AMPH: variants seen among roughly 807,000 people sequenced by gnomAD.
AMPH encodes amphiphysin (Stiff-Mann syndrome with breast cancer 128kD autoantigen).
A neutral mutation model predicts 99.1 loss-of-function variants in AMPH; 49 were observed. That is an observed-to-expected ratio of 0.49 (90% CI 0.39 to 0.63). The LOEUF is 0.63. AMPH is among the 20% of genes least tolerant of loss of function. The pLI is 0.00. For synonymous variants in AMPH, 314 were observed against 317.3 expected, an observed-to-expected ratio of 0.99 and a Z score of 0.11; for missense variants, 759 against 863.4, an observed-to-expected ratio of 0.88 and a Z score of 1.52.
intron 1 of AMPH, among the ~76,000 whole-genome samples, chr7:38,570,204 A>T (rs1026692325): frequency 3.9e-5 from 6 of 152,190 alleles, no homozygotes; most frequent in Admixed American, 3.9e-4. Context: ...GAACAATTTT[A>T]AACTAAGTAA....
At chr7:38,435,324 A>G (rs1249501495) in intron 12 of AMPH, among the ~76,000 whole-genome samples, 1 of 152,184 alleles carries the variant, frequency 6.6e-6, no homozygotes, top group Non-Finnish European at 1.5e-5. Flanking sequence ...GTTCATATTG[A>G]GCCATTTATT....
intron 14 of AMPH, 123 bp downstream of exon 14, chr7:38,429,719 G>A: frequency 2.3e-6 from 3 of 1,320,842 alleles, no homozygotes; most frequent in Non-Finnish European, 2.1e-6. Flanking sequence ...ACATTCATTG[G>A]CTTAAGGTTT....
Position 38,417,869 on chromosome 7 carries a change from G to A in AMPH, c.1354C>T (p.Leu452Phe). ...TCCTCAGCCCGAGTGTCCATTCCAAGGTCCAGACCAACGGCAGGTGTGACA... is the reference window on the plus strand; with the variant it reads ...TCCTCAGCCCGAGTGTCCATTCCAAAGTCCAGACCAACGGCAGGTGTGACA... ...AAVTPAVGLDLGMDTRAEEPV... is the reference protein window; with the variant it reads ...AAVTPAVGLDFGMDTRAEEPV... Residue 452 changes from leucine to phenylalanine, a missense_variant, in exon 17 of 21, where the codon CTT becomes TTT. Around this residue, in one of 2 missense-constraint regions of AMPH, gnomAD observed 554 missense variants for 575.6 expected, o/e 0.96. Coordinates refer to ENST00000356264, the MANE Select transcript of AMPH (RefSeq NM_001635.4). 6.2e-7 allele frequency: 1 copy of A among 1,614,136 alleles called. No individual in the cohort carries two copies. The highest frequency in any genetic ancestry group is 8.5e-7 in the Non-Finnish European group (1 of 1,180,010).
intron 1 of AMPH, among the ~76,000 whole-genome samples, chr7:38,571,425 T>C (rs866909258): frequency 1.4e-4 from 6 of 43,620 alleles, no homozygotes; most frequent in South Asian, 4.7e-4. Context: ...TATTTATATA[T>C]AGAATATTTA....
intron 16 of AMPH, 163 bp from the exon 17 acceptor site, chr7:38,418,113 A>C: frequency 1.5e-6 from 1 of 652,898 alleles, no homozygotes; most frequent in Non-Finnish European, 2.4e-6. Context: ...ATAGGCTTTT[A>C]GAGAATGGAA....
chr7:38,531,908 A>G lies in AMPH; in HGVS notation c.150+3023T>C, dbSNP rs147904226. On this transcript the variant is annotated intron_variant, in intron 2 of 20. Coordinates refer to ENST00000356264, the MANE Select transcript of AMPH (RefSeq NM_001635.4). ...TTTAGATAATGCTTTGTCTCTTCAGAGTACTGATTCACCATCACATTAATA... is the reference window on the plus strand; with the variant it reads ...TTTAGATAATGCTTTGTCTCTTCAGGGTACTGATTCACCATCACATTAATA... Among the ~76,000 whole-genome samples the G allele has an allele frequency of 4.6e-3, 701 of 151,468 alleles. 8 individuals carry two copies. The highest frequency in any genetic ancestry group is 0.016 in the African/African-American group (676 of 41,506).
At chr7:38,530,647 GGCGAGTTTATTA>G in intron 2 of AMPH, among the ~76,000 whole-genome samples, 2 of 152,242 alleles carry the variant, frequency 1.3e-5, no homozygotes, top group Admixed American at 1.3e-4. Context: ...CATCTTACTG[GGCGAGTTTATTA>G]GCAGGAAGGA....
intron 1 of AMPH, among the ~76,000 whole-genome samples, chr7:38,574,460 A>G (rs919559543): frequency 1.3e-5 from 2 of 152,164 alleles, no homozygotes; most frequent in Non-Finnish European, 2.9e-5. Context: ...CAGCCAAACT[A>G]TTGCTCCCTC....
chr7:38,491,077 G>C lies in AMPH; in HGVS notation c.369C>G (p.Thr123=), dbSNP rs991698925. 1.9e-6 allele frequency: 3 copies of C among 1,612,624 alleles called. No homozygotes were observed. The highest frequency in any genetic ancestry group is 2.5e-6 in the Non-Finnish European group (3 of 1,178,888). ...LVDGSLLTLD[T]YLGQFPDIKN... The stretch of plus-strand genomic sequence containing the variant: ...TTATGTCAGGAAATTGCCCCAGGTA[G>C]GTATCCAGTGTTAGCAAGGACCCAT... The change falls in exon 5 of 21, where the codon ACC becomes ACG. Residue 123 remains threonine, a synonymous_variant. Coordinates refer to ENST00000356264, the MANE Select transcript of AMPH (RefSeq NM_001635.4).
chr7:38,630,796 T>C (rs776417118), intron 1 of AMPH, among the ~76,000 whole-genome samples: 17 of 152,182 alleles, frequency 1.1e-4, no homozygotes, highest in Non-Finnish European at 2.2e-4. Context: ...TGCACTTAAG[T>C]AGCCACAAAA....
chr7:38,462,307 G>A (rs79384696), intron 10 of AMPH, among the ~76,000 whole-genome samples: 12,827 of 152,160 alleles, frequency 0.084, 753 homozygotes, highest in Middle Eastern at 0.17. Context: ...TTCTACTTAC[G>A]ATGGGTTTAT....
chr7:38,404,641 C>T (rs748978633), intron 17 of AMPH, among the ~76,000 whole-genome samples: 6 of 152,128 alleles, frequency 3.9e-5, no homozygotes, highest in Non-Finnish European at 5.9e-5. Context: ...ATTTAAATGT[C>T]CCATCCAAAG....
intron 1 of AMPH, among the ~76,000 whole-genome samples, chr7:38,608,315 T>C (rs1793505586): frequency 6.6e-6 from 1 of 152,218 alleles, no homozygotes; most frequent in Admixed American, 6.5e-5. Context: ...CATCCAGCCC[T>C]TTATCTCTCT....
chr7:38,631,361 TC>T lies in AMPH; in HGVS notation c.-11del. On this transcript the variant is annotated 5_prime_UTR_variant, in exon 1 of 21. Coordinates refer to ENST00000356264, the MANE Select transcript of AMPH (RefSeq NM_001635.4). ...TCTTGATGTCGGCCATGGCTGCGGG[TC>T]CGGGGAGCTGCGAAGAGCAGAGCGC... is the stretch of plus-strand genomic sequence containing the variant. 6.5e-7 allele frequency: 1 copy of T among 1,540,178 alleles called. No individual in the cohort carries two copies. The highest frequency in any genetic ancestry group is 1.2e-5 in the South Asian group (1 of 82,790).
At chr7:38,482,172 C>A (rs567312536) in intron 5 of AMPH, among the ~76,000 whole-genome samples, 1 of 152,236 alleles carries the variant, frequency 6.6e-6, no homozygotes, top group Non-Finnish European at 1.5e-5. Flanking sequence ...TCACAATTAT[C>A]TATCTTGGTT....
At chr7:38,514,239 G>A (rs939249229) in intron 2 of AMPH, among the ~76,000 whole-genome samples, 1 of 152,128 alleles carries the variant, frequency 6.6e-6, no homozygotes, top group African/African-American at 2.4e-5. Flanking sequence ...TCAATTCCTG[G>A]CATGCAGAAC....
intron 1 of AMPH, among the ~76,000 whole-genome samples, chr7:38,539,613 C>T (rs1323258288): frequency 2.0e-5 from 3 of 152,190 alleles, no homozygotes; most frequent in Non-Finnish European, 4.4e-5. Flanking sequence ...GGAATGCACA[C>T]ACAGCAGATC....
At chr7:38,563,658 C>T (rs955754723) in intron 1 of AMPH, among the ~76,000 whole-genome samples, 9 of 152,108 alleles carry the variant, frequency 5.9e-5, no homozygotes, top group Non-Finnish European at 1.3e-4. Flanking sequence ...AGCAATAATA[C>T]ACATTACTTT....
chr7:38,464,178 T>C, intron 9 of AMPH: 6 of 1,231,910 alleles, frequency 4.9e-6, no homozygotes, highest in Non-Finnish European at 6.4e-6. Context: ...TGTATCTCAT[T>C]TGGCAACATT....
Sources: gnomAD v4.1 joint callset for allele counts (sites outside exome capture counted in the v4.1 genomes callset) on GRCh38, gnomAD v4.1.1 for gene constraint, gnomAD v4.1.1 regional missense constraint, MANE v1.5 for transcripts, NCBI Gene and HGNC (gene_info 2026-07-23, HGNC 2026-07-21) for gene names.